Variants in CSMD1 observed in about 807,000 individuals in gnomAD.
CSMD1 encodes CUB and sushi domain-containing protein 1.
CSMD1 carries 213 observed loss-of-function variants against 417.5 expected under a neutral mutation model. The observed-to-expected ratio is 0.51, with a 90% CI of 0.46 to 0.57. CSMD1 has a LOEUF of 0.57. Among genes scored for constraint, CSMD1 ranks in the 20% least tolerant of loss-of-function variants. CSMD1 has a pLI of 0.00. For synonymous variants in CSMD1, 2,862 were observed against 1,736.8 expected (o/e 1.65, Z -16.11); for missense variants, 6,923 against 4,529.7 (o/e 1.53, Z -15.17).
At chr8:3,034,620 G>C (rs909364430) in intron 50 of CSMD1, among the ~76,000 whole-genome samples, 2 of 151,956 alleles carry the variant, frequency 1.3e-5, no homozygotes, top group Non-Finnish European at 2.9e-5. Flanking sequence ...AAATGCAAAA[G>C]GTTATAAAAA....
intron 3 of CSMD1, among the ~76,000 whole-genome samples, chr8:4,219,364 T>G (rs1478942902): frequency 6.6e-6 from 1 of 152,176 alleles, no homozygotes; most frequent in Non-Finnish European, 1.5e-5. Context: ...CACATCCCCC[T>G]GGCACAGAGT....
At chr8:4,346,993 G>C (rs7462235) in intron 3 of CSMD1, among the ~76,000 whole-genome samples, 1,985 of 152,226 alleles carry the variant, frequency 0.013, 49 homozygotes, top group African/African-American at 0.046. Flanking sequence ...TTGTGGCTGA[G>C]GACAAGGGCT....
chr8:4,061,421 C>A (rs575069770), intron 3 of CSMD1, among the ~76,000 whole-genome samples: 1 of 152,216 alleles, frequency 6.6e-6, no homozygotes, highest in Non-Finnish European at 1.5e-5. Context: ...TAGCACTCTT[C>A]CAACCTGTGA....
At chr8:4,803,120 A>G (rs1413368928) in intron 1 of CSMD1, among the ~76,000 whole-genome samples, 1 of 152,184 alleles carries the variant, frequency 6.6e-6, no homozygotes, top group Non-Finnish European at 1.5e-5. Flanking sequence ...GATCATGTAT[A>G]TGATTTTTTT....
intron 8 of CSMD1, among the ~76,000 whole-genome samples, chr8:3,610,967 G>A (rs1350301698): frequency 6.6e-6 from 1 of 151,350 alleles, no homozygotes; most frequent in East Asian, 2.0e-4. Flanking sequence ...CAGTAGGAGA[G>A]AAAAGGTGCA....
intron 4 of CSMD1, among the ~76,000 whole-genome samples, chr8:4,017,459 A>T (rs1796577976): frequency 6.6e-6 from 1 of 152,062 alleles, no homozygotes; most frequent in Non-Finnish European, 1.5e-5. Flanking sequence ...GGCATGCACC[A>T]GCATTCCCAG....
At chr8:4,870,195 A>T (rs1802654096) in intron 1 of CSMD1, among the ~76,000 whole-genome samples, 1 of 152,162 alleles carries the variant, frequency 6.6e-6, no homozygotes, top group African/African-American at 2.4e-5. Flanking sequence ...ATGAAAAAAT[A>T]ACTGTTAATT....
chr8:3,961,358 A>C (rs886747280), intron 5 of CSMD1, among the ~76,000 whole-genome samples: 5 of 152,226 alleles, frequency 3.3e-5, no homozygotes, highest in African/African-American at 1.2e-4. Context: ...GCCACTGAAG[A>C]ACAAGGATTC....
At chr8:4,912,114 C>T (rs1485365798) in intron 1 of CSMD1, among the ~76,000 whole-genome samples, 1 of 35,950 alleles carries the variant, frequency 2.8e-5, no homozygotes, top group Non-Finnish European at 6.3e-5. Context: ...TAGTGCTCAA[C>T]ATAGCTTCAA....
chr8:3,264,182 G>C (rs1251315609), intron 26 of CSMD1, among the ~76,000 whole-genome samples: 1 of 152,072 alleles, frequency 6.6e-6, no homozygotes, highest in Non-Finnish European at 1.5e-5. Context: ...ATTGACACAA[G>C]GCAGACTTGA....
intron 3 of CSMD1, among the ~76,000 whole-genome samples, chr8:4,223,161 A>G (rs1194238076): frequency 1.4e-5 from 2 of 147,934 alleles, no homozygotes; most frequent in Non-Finnish European, 3.0e-5. Flanking sequence ...AACGCCACCC[A>G]GAGGAGCCTC....
At chr8:4,785,105 T>C (rs147309248) in intron 1 of CSMD1, among the ~76,000 whole-genome samples, 107 of 152,350 alleles carry the variant, frequency 7.0e-4, no homozygotes, top group Middle Eastern at 6.8e-3. Flanking sequence ...GAGTGCCTTC[T>C]TTCTTCTTTC....
chr8:4,313,261 T>G (rs1486905008), intron 3 of CSMD1, among the ~76,000 whole-genome samples: 1 of 152,198 alleles, frequency 6.6e-6, no homozygotes, highest in Non-Finnish European at 1.5e-5. Context: ...TCAGTCACTT[T>G]CCTCTAGTGC....
chr8:3,767,441 G>A (rs1798339398), intron 5 of CSMD1, among the ~76,000 whole-genome samples: 2 of 152,198 alleles, frequency 1.3e-5, no homozygotes, highest in African/African-American at 2.4e-5. Context: ...AACGATATGT[G>A]CTACTGCAGA....
rs529166085 is a variant in CSMD1 at position 4,791,963 on chromosome 8, G to A, written c.86-154405C>T. Among the ~76,000 whole-genome samples the A allele has an allele frequency of 6.6e-5, 10 of 151,538 alleles. 1 individual carries two copies. The highest frequency in any genetic ancestry group is 4.2e-4 in the South Asian group (2 of 4,812). ...AGTTTTCCTTTTTTTTTAAATACAA[G>A]ATTGTTTATCCAAGTGTCCTTTATA... is the stretch of plus-strand genomic sequence containing the variant. On this transcript the variant is annotated intron_variant, in intron 1 of 69. Transcript: ENST00000635120.
chr8:4,688,943 T>C (rs781716632), intron 1 of CSMD1, among the ~76,000 whole-genome samples: 13 of 152,218 alleles, frequency 8.5e-5, no homozygotes, highest in Admixed American at 1.3e-4. Flanking sequence ...CACTTTCTTA[T>C]TTTTCAAGAA....
At chr8:4,436,069 C>T (rs1454618864) in intron 2 of CSMD1, among the ~76,000 whole-genome samples, 2 of 152,088 alleles carry the variant, frequency 1.3e-5, no homozygotes, top group Admixed American at 1.3e-4. Context: ...TCTTATAATT[C>T]CAAGTTTCAA....
At chr8:4,724,562 G>GTGTGTGTGTT (rs1225955638) in intron 1 of CSMD1, among the ~76,000 whole-genome samples, 16 of 142,048 alleles carry the variant, frequency 1.1e-4, no homozygotes, top group African/African-American at 4.4e-4. Flanking sequence ...GTGTGTGTGT[G>GTGTGTGTGTT]TTTATACTCC....
chr8:3,541,972 A>G (rs28689072), intron 10 of CSMD1, among the ~76,000 whole-genome samples: 1 of 151,970 alleles, frequency 6.6e-6, no homozygotes, highest in African/African-American at 2.4e-5. Flanking sequence ...GCCTAGATGG[A>G]GCCACTGCTC....
Sources: allele counts gnomAD v4.1 joint callset (sites outside exome capture counted in the v4.1 genomes callset), GRCh38; gene constraint gnomAD v4.1.1; transcripts MANE v1.5; gene names NCBI Gene and HGNC (gene_info 2026-07-23, HGNC 2026-07-21).